Variants in DRC11 observed in about 807,000 individuals in gnomAD.
DRC11 encodes dynein regulatory complex subunit 11.
At chr2:236,503,750 C>A in the DRC11 span, 1 of 1,497,048 alleles carries the variant, frequency 6.7e-7, no homozygotes. The surrounding 1 kb of genome is among the most constrained non-coding windows in gnomAD (Gnocchi z 4.9). Context: ...GACCACACCC[C>A]CTCCCACACT....
chr2:236,451,160 G>A, the DRC11 span, among the ~76,000 whole-genome samples: 8 of 151,850 alleles, frequency 5.3e-5, no homozygotes, highest in Admixed American at 1.3e-4. Context: ...TTTCTTTAAA[G>A]TATTCATTTT....
the DRC11 span, among the ~76,000 whole-genome samples, chr2:236,428,098 A>G: frequency 1.3e-5 from 2 of 152,126 alleles, no homozygotes; most frequent in Non-Finnish European, 2.9e-5. Flanking sequence ...GAAAAGATAT[A>G]CTTCATATGA....
At chr2:236,438,928 T>C in the DRC11 span, among the ~76,000 whole-genome samples, 6 of 149,160 alleles carry the variant, frequency 4.0e-5, no homozygotes, top group Admixed American at 2.0e-4. Flanking sequence ...TCAAAACCGC[T>C]CAACTACATG....
At chr2:236,459,652 T>TATACATATATAC in the DRC11 span, among the ~76,000 whole-genome samples, 34 of 103,794 alleles carry the variant, frequency 3.3e-4, no homozygotes, top group Non-Finnish European at 6.6e-4. Context: ...TACGTATATA[T>TATACATATATAC]GTATATACAT....
the DRC11 span, among the ~76,000 whole-genome samples, chr2:236,371,016 C>T: frequency 2.6e-5 from 4 of 152,116 alleles, no homozygotes; most frequent in Non-Finnish European, 5.9e-5. The surrounding 1 kb of genome is among the most constrained non-coding windows in gnomAD (Gnocchi z 5.1). Flanking sequence ...AATCTCAAGA[C>T]TAAAAAAAGC....
At chr2:236,492,779 G>C in the DRC11 span, among the ~76,000 whole-genome samples, 4 of 152,210 alleles carry the variant, frequency 2.6e-5, no homozygotes, top group East Asian at 7.7e-4. Flanking sequence ...CTGCATGGGG[G>C]ATGACTGCAA....
chr2:236,403,311 G>A, the DRC11 span, among the ~76,000 whole-genome samples: 932 of 152,174 alleles, frequency 6.1e-3, 10 homozygotes, highest in African/African-American at 0.021. Context: ...CTGGAGTGGC[G>A]GGAGAGAGAG....
the DRC11 span, among the ~76,000 whole-genome samples, chr2:236,429,007 T>C: frequency 1.3e-5 from 2 of 152,228 alleles, no homozygotes; most frequent in East Asian, 3.9e-4. The surrounding 1 kb of genome is among the most constrained non-coding windows in gnomAD (Gnocchi z 5.9). Flanking sequence ...TCATATAGTC[T>C]TATAAATGAG....
At chr2:236,483,301 C>G in the DRC11 span, among the ~76,000 whole-genome samples, 1 of 152,120 alleles carries the variant, frequency 6.6e-6, no homozygotes, top group African/African-American at 2.4e-5. The surrounding 1 kb of genome is among the most constrained non-coding windows in gnomAD (Gnocchi z 4.8). Context: ...AAATTGCTGA[C>G]CCATTGGATT....
chr2:236,366,778 C>CCTCTCCCT, the DRC11 span, among the ~76,000 whole-genome samples: 1 of 134,024 alleles, frequency 7.5e-6, no homozygotes, highest in Admixed American at 7.2e-5. Context: ...TCCCTCCCTC[C>CCTCTCCCT]CTCCCTCTCC....
chr2:236,428,745 T>A, the DRC11 span, among the ~76,000 whole-genome samples: 1 of 152,374 alleles, frequency 6.6e-6, no homozygotes, highest in Non-Finnish European at 1.5e-5. Flanking sequence ...GAGATAATTA[T>A]TGATAGGAAG....
At chr2:236,356,972 TATATTC>T in the DRC11 span, among the ~76,000 whole-genome samples, 11,255 of 115,930 alleles carry the variant, frequency 0.097, 1,347 homozygotes, top group Non-Finnish European at 0.13. Context: ...ATATATATTA[TATATTC>T]ATATATTATA....
At chr2:236,377,478 C>T in the DRC11 span, among the ~76,000 whole-genome samples, 2 of 152,142 alleles carry the variant, frequency 1.3e-5, no homozygotes, top group Non-Finnish European at 2.9e-5. The surrounding 1 kb of genome is among the most constrained non-coding windows in gnomAD (Gnocchi z 4.9). Context: ...TTCCATCAGT[C>T]TTCATGATGG....
At chr2:236,493,960 A>C in the DRC11 span, 1 of 1,332,946 alleles carries the variant, frequency 7.5e-7, no homozygotes, top group Non-Finnish European at 1.0e-6. Context: ...TAAAATATAC[A>C]GTAAGGACGT....
the DRC11 span, among the ~76,000 whole-genome samples, chr2:236,400,100 C>T: frequency 3.9e-5 from 6 of 152,222 alleles, no homozygotes; most frequent in African/African-American, 9.7e-5. The surrounding 1 kb of genome is among the most constrained non-coding windows in gnomAD (Gnocchi z 7.9). Flanking sequence ...CCCTCCTCCA[C>T]GTTGCTGTAA....
At chr2:236,340,285 C>T in the DRC11 span, among the ~76,000 whole-genome samples, 71 of 152,260 alleles carry the variant, frequency 4.7e-4, no homozygotes, top group East Asian at 0.011. Context: ...CCACCATGCC[C>T]GGCTAATTTT....
At chr2:236,425,952 G>A in the DRC11 span, among the ~76,000 whole-genome samples, 1 of 151,956 alleles carries the variant, frequency 6.6e-6, no homozygotes, top group South Asian at 2.1e-4. Context: ...GTAGTGTGTG[G>A]ATTTATTTCT....
chr2:236,396,986 CA>C, the DRC11 span, among the ~76,000 whole-genome samples: 2 of 152,148 alleles, frequency 1.3e-5, no homozygotes, highest in South Asian at 4.1e-4. Context: ...TGTCACTCCA[CA>C]AGGGCCCTCA....
At chr2:236,466,782 T>C in the DRC11 span, among the ~76,000 whole-genome samples, 2 of 152,166 alleles carry the variant, frequency 1.3e-5, no homozygotes, top group African/African-American at 4.8e-5. Context: ...CCTCCAACAC[T>C]GGGAATCACA....
Sources: gnomAD v4.1 joint callset for allele counts (sites outside exome capture counted in the v4.1 genomes callset) on GRCh38, gnomAD v4.1.1 for gene constraint, Gnocchi (gnomAD v3.1) non-coding constraint, MANE v1.5 for transcripts, NCBI Gene and HGNC (gene_info 2026-07-23, HGNC 2026-07-21) for gene names.